Variants in ARHGEF4 observed in about 807,000 individuals in gnomAD.
The protein encoded by ARHGEF4 is Rho guanine nucleotide exchange factor 4.
ARHGEF4 carries 119 observed loss-of-function variants against 162.0 expected under a neutral mutation model. That is an observed-to-expected ratio of 0.73 (90% confidence interval 0.63 to 0.86). The LOEUF (loss-of-function observed/expected upper bound fraction) is 0.86. Among genes scored for constraint, ARHGEF4 ranks in the 40% least tolerant of loss-of-function variants. The pLI is 0.00. For missense variants in ARHGEF4, 2,488 were observed against 2,456.0 expected (o/e 1.01, Z -0.28); for synonymous variants, 1,014 against 979.9 (o/e 1.03, Z -0.65).
rs757169701 is a variant in ARHGEF4 at position 131,040,279 on chromosome 2, C to A, written c.4501C>A (p.Arg1501Ser). 13 of 1,612,694 alleles carry A rather than the reference C, an allele frequency of 8.1e-6. No individual in the cohort carries two copies. Among genetic ancestry groups the A allele is most frequent in the Non-Finnish European group, 1.1e-5 (13 of 1,179,708 alleles). The change falls in exon 8 of 14, where the codon CGC (arginine) becomes AGC (serine). Residue 1501 changes from arginine (R) to serine (S), a missense_variant. Transcript: ENST00000409359. Reference sequence around the variant, plus strand: ...CCCGCAGGGCTACGTCCGGCAGTGCCGCAAGCGCGCAGACATGTTCAGCGA... The same window carrying A: ...CCCGCAGGGCTACGTCCGGCAGTGCAGCAAGCGCGCAGACATGTTCAGCGA... Reference protein sequence around the residue: ...DICEGYVRQCRKRADMFSEEQ... With the variant: ...DICEGYVRQCSKRADMFSEEQ...
chr2:131,045,264 C>T, intron 12 of ARHGEF4, 105 bp from the exon 13 acceptor site: 1 of 1,096,348 alleles, frequency 9.1e-7, no homozygotes, highest in East Asian at 2.4e-5. Flanking sequence ...TACTGAGTCC[C>T]CAGTACATGA....
At chr2:130,984,208 C>A (rs1200477077) in intron 4 of ARHGEF4, among the ~76,000 whole-genome samples, 2 of 152,090 alleles carry the variant, frequency 1.3e-5, no homozygotes, top group East Asian at 3.9e-4. Flanking sequence ...AAAGGCCCAA[C>A]CTCCCCAGAC....
intron 4 of ARHGEF4, among the ~76,000 whole-genome samples, chr2:131,003,008 T>G (rs939385509): frequency 6.6e-6 from 1 of 152,180 alleles, no homozygotes; most frequent in Non-Finnish European, 1.5e-5. Context: ...CACCCCAACT[T>G]TGTGCAAGAC....
intron 1 of ARHGEF4, among the ~76,000 whole-genome samples, chr2:130,873,892 G>T (rs1440199475): frequency 3.9e-5 from 6 of 152,090 alleles, no homozygotes; most frequent in African/African-American, 1.2e-4. Flanking sequence ...GTTCCTTGGT[G>T]CCCCCTGCCG....
At chr2:130,991,162 A>G (rs958304478) in intron 4 of ARHGEF4, among the ~76,000 whole-genome samples, 17 of 152,250 alleles carry the variant, frequency 1.1e-4, no homozygotes, top group African/African-American at 3.6e-4. Flanking sequence ...GTGGAACACC[A>G]AAGACCAAGT....
chr2:131,032,852 T>TC (rs1689952074), intron 5 of ARHGEF4, among the ~76,000 whole-genome samples: 6 of 135,916 alleles, frequency 4.4e-5, no homozygotes, highest in African/African-American at 1.7e-4. Context: ...TTTTTTCTTT[T>TC]TTTTTTTTTT....
chr2:131,045,441 C>G lies in ARHGEF4; in HGVS notation c.5474C>G (p.Pro1825Arg). 3 of 1,613,610 alleles carry G rather than the reference C, an allele frequency of 1.9e-6. No individual in the cohort carries two copies. Among genetic ancestry groups the G allele is most frequent in the Non-Finnish European group, 2.5e-6 (3 of 1,180,012 alleles). ...AGCAAGCAGCAGGTCACAGGGAAGC[C>G]CAAAGGTAGGCGGACAGCAGCCCCA... ...NASKQQVTGK[P>R]KAVGRPCYLT... The change falls in exon 13 of 14, where the codon CCC becomes CGC. Residue 1825 changes from proline (P) to arginine (R), a missense_variant. This residue lies in a region of ARHGEF4 where 415 missense variants were observed against 512.4 expected (regional missense o/e 0.81). Coordinates refer to ENST00000409359, the MANE Select transcript of ARHGEF4 (RefSeq NM_001367493.1).
chr2:130,940,788 C>T (rs1338446668), intron 3 of ARHGEF4, among the ~76,000 whole-genome samples: 6 of 145,036 alleles, frequency 4.1e-5, no homozygotes, highest in African/African-American at 1.3e-4. Context: ...GCCGAGACTG[C>T]GCCACTGCAC....
chr2:130,856,014 C>T (rs879550194), intron 1 of ARHGEF4, among the ~76,000 whole-genome samples: 20 of 152,230 alleles, frequency 1.3e-4, no homozygotes, highest in East Asian at 3.9e-4. Flanking sequence ...GGGCAGAAAG[C>T]GAGCCATAGA....
chr2:130,922,730 G>A (rs542872346), intron 2 of ARHGEF4, among the ~76,000 whole-genome samples: 3 of 150,082 alleles, frequency 2.0e-5, no homozygotes, highest in African/African-American at 7.3e-5. Flanking sequence ...TTGGGTTTGG[G>A]CCTGATAATT....
intron 1 of ARHGEF4, among the ~76,000 whole-genome samples, chr2:130,883,334 G>A (rs1679312663): frequency 6.6e-6 from 1 of 152,062 alleles, no homozygotes; most frequent in South Asian, 2.1e-4. Context: ...CCTGAATGAT[G>A]GCAGGGCCCT....
In ARHGEF4 at chr2:130,957,248, CT is replaced by C. The variant is rs71398520; in HGVS notation, c.3985+10625del. 3.8e-3 allele frequency among the ~76,000 whole-genome samples: 553 copies of C among 143,658 alleles called. 1 individual carries two copies. The highest frequency in any genetic ancestry group is 0.014 in the Middle Eastern group (4 of 278). The allele number at this position is 143,658 out of a possible 152,430, so 94.2% of individuals were successfully genotyped here. ...AGGAGGGAACACTTCCCAACTCATT[CT>C]TTTTTTTTTTTGTATGTCATTACAA... On this transcript the variant is annotated intron_variant, in intron 4 of 13. Coordinates refer to ENST00000409359, the MANE Select transcript of ARHGEF4 (RefSeq NM_001367493.1).
chr2:130,920,135 G>A (rs541673804), intron 2 of ARHGEF4, among the ~76,000 whole-genome samples: 9 of 152,120 alleles, frequency 5.9e-5, no homozygotes, highest in Admixed American at 1.3e-4. Context: ...TTGATTCAGC[G>A]TCTTGCTCTG....
intron 2 of ARHGEF4, among the ~76,000 whole-genome samples, chr2:130,923,524 C>T (rs1026895247): frequency 9.2e-5 from 14 of 152,168 alleles, no homozygotes; most frequent in Non-Finnish European, 1.9e-4. Context: ...AAACTGAGCT[C>T]GCTGAGTGCC....
chr2:130,856,373 A>G (rs1321824284), intron 1 of ARHGEF4, among the ~76,000 whole-genome samples: 4 of 152,234 alleles, frequency 2.6e-5, no homozygotes, highest in African/African-American at 9.6e-5. Flanking sequence ...TATTAAGTGC[A>G]CCAACATATA....
At chr2:130,932,062 A>AT (rs1682670214) in intron 3 of ARHGEF4, among the ~76,000 whole-genome samples, 1 of 151,892 alleles carries the variant, frequency 6.6e-6, no homozygotes, top group African/African-American at 2.4e-5. Context: ...CCTATTCCCC[A>AT]TTTCCCCTCC....
rs567145063 is a variant in ARHGEF4 at position 130,852,732 on chromosome 2, G to A, written c.39+15740G>A. On this transcript the variant is annotated intron_variant, in intron 1 of 13. Coordinates refer to ENST00000409359, the MANE Select transcript of ARHGEF4 (RefSeq NM_001367493.1). ...CAGGACTGAGGTGGGCCTGAGCCCC[G>A]TCGCCTCCTGCGGGCGGTGGAGAGC... 1.6e-4 allele frequency among the ~76,000 whole-genome samples: 25 copies of A among 152,312 alleles called. No individual in the cohort carries two copies. The South Asian group carries it at 3.3e-3, about 20-fold the overall frequency.
chr2:131,044,585 C>A, intron 12 of ARHGEF4, 43 bp downstream of exon 12: 1 of 1,527,900 alleles, frequency 6.5e-7, no homozygotes, highest in East Asian at 2.5e-5. Context: ...CAGGGCCCAC[C>A]CGGCGCTCCC....
chr2:130,963,692 G>C (rs977377445), intron 4 of ARHGEF4: 5 of 145,958 alleles, frequency 3.4e-5, no homozygotes, highest in Admixed American at 3.4e-4. Flanking sequence ...CCGGGCCCGC[G>C]ACCCGCACTG....
Sources: gnomAD v4.1 joint callset for allele counts (sites outside exome capture counted in the v4.1 genomes callset) on GRCh38, gnomAD v4.1.1 for gene constraint, gnomAD v4.1.1 regional missense constraint, MANE v1.5 for transcripts, NCBI Gene and HGNC (gene_info 2026-07-23, HGNC 2026-07-21) for gene names.